TBC1D2B: variants seen among roughly 807,000 people sequenced by gnomAD.
TBC1D2B encodes TBC1 domain family, member 2B.
Under a neutral mutation model 100.8 loss-of-function variants are expected in TBC1D2B, and 64 were observed. The observed-to-expected ratio is 0.64, with a 90% CI of 0.52 to 0.78. The LOEUF (loss-of-function observed/expected upper bound fraction) is 0.78. TBC1D2B is among the 30% of genes least tolerant of loss of function. The probability of loss-of-function intolerance (pLI) is 0.00; values close to 1 mark genes in which losing one functional copy is unlikely to be tolerated. For synonymous variants in TBC1D2B, 480 were observed against 479.7 expected (o/e 1.00, Z -0.01); for missense variants, 1,052 against 1,218.4 (o/e 0.86, Z 2.03).
At chr15:78,071,408 C>T (rs1013296577) in intron 1 of TBC1D2B, among the ~76,000 whole-genome samples, 8 of 152,236 alleles carry the variant, frequency 5.3e-5, no homozygotes, top group African/African-American at 9.6e-5. Context: ...ACTACAACAG[C>T]ATAGTGACAG....
rs1202279474 is a variant in TBC1D2B, at chr15:78,049,791, A to G, written c.514+4243T>C. On this transcript the variant is annotated intron_variant, in intron 2 of 12. Transcript: ENST00000300584. ...GAACTGCAATCTAACCCCACTCAGC[A>G]TCTCCCTCACATCCTCCCTCCCACA... Among the ~76,000 whole-genome samples, 4 of 151,428 alleles carry G rather than the reference A, an allele frequency of 2.6e-5. No homozygotes were observed. In the South Asian group the frequency reaches 8.4e-4, roughly 32 times the overall value.
At chr15:78,000,728 G>T (rs980796022) in intron 12 of TBC1D2B, among the ~76,000 whole-genome samples, 1 of 152,248 alleles carries the variant, frequency 6.6e-6, no homozygotes, top group Non-Finnish European at 1.5e-5. Flanking sequence ...CAGTCCAGGG[G>T]ACATACAGAC....
chr15:78,067,528 C>T (rs2073677873), intron 1 of TBC1D2B, among the ~76,000 whole-genome samples: 1 of 152,190 alleles, frequency 6.6e-6, no homozygotes, highest in African/African-American at 2.4e-5. Context: ...AGAAATAATT[C>T]CTATAATCCA....
chr15:78,064,619 T>C (rs2073620031), intron 1 of TBC1D2B, among the ~76,000 whole-genome samples: 1 of 152,120 alleles, frequency 6.6e-6, no homozygotes, highest in African/African-American at 2.4e-5. Flanking sequence ...AGCCTGGTAA[T>C]ACAAAACAAA....
At chr15:78,003,535 C>A in intron 10 of TBC1D2B, 45 bp from the exon 11 acceptor site, 1 of 1,525,100 alleles carries the variant, frequency 6.6e-7, no homozygotes, top group South Asian at 1.1e-5. Flanking sequence ...CCTGCCAGGT[C>A]ACCGGGTAAG....
At chr15:78,040,176 T>C (rs62011510) in intron 3 of TBC1D2B, among the ~76,000 whole-genome samples, 8,249 of 152,382 alleles carry the variant, frequency 0.054, 282 homozygotes, top group Middle Eastern at 0.13. Flanking sequence ...CCCCTGAGTA[T>C]GCACATACAC....
At chr15:78,002,079 C>T (rs2071930166) in intron 11 of TBC1D2B, 1 of 164,176 alleles carries the variant, frequency 6.1e-6, no homozygotes, top group African/African-American at 2.4e-5. Flanking sequence ...AAAATAAAAC[C>T]AAAATCAAGG....
At chr15:78,024,684 T>C (rs1324892464) in intron 5 of TBC1D2B, 145 bp from the exon 6 acceptor site, 36 of 739,744 alleles carry the variant, frequency 4.9e-5, no homozygotes, top group Non-Finnish European at 6.4e-6. Flanking sequence ...CTGAACTTCC[T>C]CTTGAAGGAT....
intron 3 of TBC1D2B, chr15:78,034,389 C>T: frequency 3.1e-6 from 2 of 652,948 alleles, no homozygotes; most frequent in Non-Finnish European, 3.8e-6. Context: ...AGTGGCCCTG[C>T]CTACAGCAAG....
chr15:78,058,683 C>T (rs761271376), intron 1 of TBC1D2B, among the ~76,000 whole-genome samples: 2 of 152,192 alleles, frequency 1.3e-5, no homozygotes, highest in African/African-American at 2.4e-5. Context: ...AAGACACGCC[C>T]GCCGGAGGAG....
intron 1 of TBC1D2B, among the ~76,000 whole-genome samples, chr15:78,071,812 G>A (rs1460316876): frequency 7.9e-5 from 12 of 152,200 alleles, no homozygotes; most frequent in South Asian, 2.1e-4. Context: ...TACCTTAGTC[G>A]GTTCAGGCTG....
intron 1 of TBC1D2B, among the ~76,000 whole-genome samples, chr15:78,070,260 C>G (rs762403442): frequency 3.3e-5 from 5 of 152,104 alleles, no homozygotes; most frequent in African/African-American, 1.2e-4. Context: ...CCCCCACCCC[C>G]GCTCCAGTCA....
chr15:78,048,308 G>A (rs747070604), intron 2 of TBC1D2B, among the ~76,000 whole-genome samples: 4 of 152,144 alleles, frequency 2.6e-5, no homozygotes, highest in Admixed American at 2.0e-4. Context: ...TGGTTTTTAA[G>A]AGACCACGTG....
intron 1 of TBC1D2B, among the ~76,000 whole-genome samples, chr15:78,074,314 C>T (rs1290550642): frequency 6.6e-6 from 1 of 152,090 alleles, no homozygotes; most frequent in East Asian, 1.9e-4. Context: ...TGAGCCACCA[C>T]GCCCGGCCTT....
intron 3 of TBC1D2B, chr15:78,034,821 C>A: frequency 2.3e-6 from 2 of 874,418 alleles, no homozygotes; most frequent in South Asian, 1.0e-4. Context: ...CCTGTTTTTG[C>A]TCTTATGTGG....
chr15:78,018,510 A>C (rs1019587936), intron 6 of TBC1D2B, among the ~76,000 whole-genome samples: 2 of 152,262 alleles, frequency 1.3e-5, no homozygotes, highest in Non-Finnish European at 1.5e-5. Context: ...GAAAAATTTC[A>C]AACTTACAGA....
At chr15:78,076,597 A>AT (rs751565190) in intron 1 of TBC1D2B, among the ~76,000 whole-genome samples, 1 of 143,278 alleles carries the variant, frequency 7.0e-6, no homozygotes, top group African/African-American at 2.5e-5. Flanking sequence ...AAAAAAAAAA[A>AT]TTTAATTAGC....
chr15:78,030,270 A>T, intron 3 of TBC1D2B, 100 bp from the exon 4 acceptor site: 2 of 1,019,906 alleles, frequency 2.0e-6, no homozygotes, highest in Non-Finnish European at 2.8e-6. Flanking sequence ...ATCTAATGAT[A>T]CCAAATGTTG....
intron 3 of TBC1D2B, among the ~76,000 whole-genome samples, chr15:78,031,535 T>G (rs960901660): frequency 9.6e-6 from 1 of 103,920 alleles, no homozygotes; most frequent in Non-Finnish European, 1.7e-5. Flanking sequence ...GCCTGGGCGA[T>G]AGAGCAAGAC....
Sources: gnomAD v4.1 joint callset for allele counts (sites outside exome capture counted in the v4.1 genomes callset) on GRCh38, gnomAD v4.1.1 for gene constraint, MANE v1.5 for transcripts, NCBI Gene and HGNC (gene_info 2026-07-23, HGNC 2026-07-21) for gene names.